Variants in GRIK4 observed in about 807,000 individuals in gnomAD.
GRIK4 encodes glutamate receptor ionotropic, kainate 4.
In GRIK4, 40 loss-of-function variants were observed where a neutral mutation model predicts 104.9. That is an observed-to-expected ratio of 0.38 (90% CI 0.30 to 0.50). The LOEUF is 0.50. Among genes scored for constraint, GRIK4 ranks in the 20% least tolerant of loss-of-function variants. GRIK4 has a pLI of 0.93. For synonymous variants in GRIK4, 485 were observed against 524.9 expected (o/e 0.92, Z 1.04); for missense variants, 1,047 against 1,308.1 (o/e 0.80, Z 3.08).
chr11:120,851,065 C>G (rs892525998), intron 8 of GRIK4, among the ~76,000 whole-genome samples: 1 of 152,104 alleles, frequency 6.6e-6, no homozygotes, highest in Non-Finnish European at 1.5e-5. Flanking sequence ...GTAGACGCAT[C>G]TCCTGTGAAT....
chr11:120,824,553 C>CTTTTTTTTTTTTTTTTTTTT (rs763907708), intron 6 of GRIK4, among the ~76,000 whole-genome samples: 5 of 128,882 alleles, frequency 3.9e-5, no homozygotes, highest in Admixed American at 7.9e-5. Context: ...TTTTTCTTTT[C>CTTTTTTTTTTTTTTTTTTTT]TTTTTTTTTT....
At position 120,925,364 on chromosome 11, in the gene GRIK4, G is replaced by A. The variant is rs183136405; in HGVS notation, c.1477-14983G>A. On this transcript the variant is annotated intron_variant, in intron 13 of 20. Coordinates refer to ENST00000527524, the MANE Select transcript of GRIK4 (RefSeq NM_014619.5). ...GAAACCTGTCGCCTGGGCTTGCCCA[G>A]GCCAGCTTTACACAGGCCCCCGATC... Among the ~76,000 whole-genome samples the A allele has an allele frequency of 2.3e-3, 345 of 152,290 alleles. 1 individual carries two copies. The highest frequency in any genetic ancestry group is 6.8e-3 in the Middle Eastern group (2 of 294).
At chr11:120,944,939 C>T (rs1943821486) in intron 14 of GRIK4, among the ~76,000 whole-genome samples, 2 of 151,984 alleles carry the variant, frequency 1.3e-5, no homozygotes. Flanking sequence ...AGCTATTATA[C>T]TCAACAAATG....
chr11:120,824,211 T>A (rs139163327), intron 6 of GRIK4, among the ~76,000 whole-genome samples: 1 of 152,352 alleles, frequency 6.6e-6, no homozygotes, highest in East Asian at 1.9e-4. Flanking sequence ...AGAGAGATTG[T>A]ATATTACATT....
chr11:120,813,891 G>A (rs1026355318), intron 4 of GRIK4, among the ~76,000 whole-genome samples: 5 of 152,200 alleles, frequency 3.3e-5, no homozygotes, highest in East Asian at 1.9e-4. Flanking sequence ...GGGGAACCTC[G>A]ATTGCATTTT....
At chr11:120,807,505 G>T (rs747188247) in intron 4 of GRIK4, among the ~76,000 whole-genome samples, 1 of 152,142 alleles carries the variant, frequency 6.6e-6, no homozygotes. Flanking sequence ...GGCGCGTAGC[G>T]TTCCAGCTCC....
chr11:120,689,734 G>C (rs955784743), intron 3 of GRIK4, among the ~76,000 whole-genome samples: 6 of 152,042 alleles, frequency 3.9e-5, no homozygotes, highest in African/African-American at 1.2e-4. Flanking sequence ...TCTCTTCTGA[G>C]TTACCTGATA....
At chr11:120,925,171 G>A (rs900484732) in intron 13 of GRIK4, among the ~76,000 whole-genome samples, 2 of 152,160 alleles carry the variant, frequency 1.3e-5, no homozygotes, top group Non-Finnish European at 2.9e-5. Flanking sequence ...TATGGCTGTG[G>A]GCGATGCCCA....
At chr11:120,751,597 GCC>G (rs1565331557) in intron 3 of GRIK4, among the ~76,000 whole-genome samples, 2 of 152,164 alleles carry the variant, frequency 1.3e-5, no homozygotes, top group Non-Finnish European at 2.9e-5. Flanking sequence ...AGGTTTCTGG[GCC>G]CAGGTTCTGG....
chr11:120,585,361 T>A (rs1038037113), intron 1 of GRIK4, among the ~76,000 whole-genome samples: 1 of 151,780 alleles, frequency 6.6e-6, no homozygotes, highest in Non-Finnish European at 1.5e-5. Flanking sequence ...TTTTTCTTTT[T>A]TTTTGTGAGA....
chr11:120,984,514 A>G (rs981800030), intron 20 of GRIK4, among the ~76,000 whole-genome samples: 1 of 152,158 alleles, frequency 6.6e-6, no homozygotes, highest in African/African-American at 2.4e-5. Context: ...CACGCCTGTA[A>G]TCCTAGCACT....
rs776440015 is a variant in GRIK4 at position 120,889,588 on chromosome 11, C to CTTTTTTTTTTTTTTTTTTTTTTTTTTTT, written c.1165-8944_1165-8943insTTTTTTTTTTTTTTTTTTTTTTTTTTTT. On this transcript the variant is annotated intron_variant, in intron 11 of 20. Transcript: ENST00000527524. ...AATAGAATAAAATAGAAAGAGCTTA[C>CTTTTTTTTTTTTTTTTTTTTTTTTTTTT]ATTTTTTTTTTTTTTTTTTTTTTTT... Among the ~76,000 whole-genome samples the CTTTTTTTTTTTTTTTTTTTTTTTTTTTT allele has an allele frequency of 1.0e-4, 7 of 67,146 alleles. 2 individuals carry two copies. Among genetic ancestry groups the CTTTTTTTTTTTTTTTTTTTTTTTTTTTT allele is most frequent in the East Asian group, 1.1e-3 (2 of 1,750 alleles). The allele number at this position is 67,146 out of a possible 152,430, so 44.1% of individuals were successfully genotyped here.
At chr11:120,962,772 C>A in intron 18 of GRIK4, 91 bp downstream of exon 18, 1 of 796,140 alleles carries the variant, frequency 1.3e-6, no homozygotes, top group Non-Finnish European at 2.1e-6. Context: ...GAATCCAGTA[C>A]CCCCTGTTGT....
chr11:120,763,057 G>A (rs1037486413), intron 3 of GRIK4, among the ~76,000 whole-genome samples: 1 of 152,132 alleles, frequency 6.6e-6, no homozygotes, highest in African/African-American at 2.4e-5. Flanking sequence ...GAATTCAGCT[G>A]TGAATCTGTC....
At chr11:120,876,923 T>C (rs778722996) in intron 11 of GRIK4, among the ~76,000 whole-genome samples, 2 of 152,232 alleles carry the variant, frequency 1.3e-5, no homozygotes, top group Non-Finnish European at 2.9e-5. Flanking sequence ...GGCCCTGTCA[T>C]GTCTGCCTCC....
chr11:120,860,687 C>G (rs1954238133), intron 8 of GRIK4, among the ~76,000 whole-genome samples: 1 of 152,186 alleles, frequency 6.6e-6, no homozygotes, highest in African/African-American at 2.4e-5. Context: ...ATCCTCCATG[C>G]CTAGAACCAT....
intron 3 of GRIK4, among the ~76,000 whole-genome samples, chr11:120,755,326 C>T (rs1305550496): frequency 6.6e-6 from 1 of 152,092 alleles, no homozygotes; most frequent in Non-Finnish European, 1.5e-5. Flanking sequence ...GTTTAAAAAG[C>T]ATTTACTCGG....
intron 1 of GRIK4, among the ~76,000 whole-genome samples, chr11:120,597,723 A>G (rs979221996): frequency 1.6e-4 from 24 of 152,124 alleles, no homozygotes; most frequent in Non-Finnish European, 2.6e-4. Flanking sequence ...TTCCTAATAC[A>G]GTGCAGCATT....
chr11:120,548,263 A>G (rs1042266727), intron 1 of GRIK4, among the ~76,000 whole-genome samples: 1 of 152,098 alleles, frequency 6.6e-6, no homozygotes, highest in African/African-American at 2.4e-5. Flanking sequence ...ACCCAGTGCC[A>G]TGGATGCTTA....
Sources: gnomAD v4.1 joint callset for allele counts (sites outside exome capture counted in the v4.1 genomes callset) on GRCh38, gnomAD v4.1.1 for gene constraint, MANE v1.5 for transcripts, NCBI Gene and HGNC (gene_info 2026-07-23, HGNC 2026-07-21) for gene names.